CAPN3: variants seen among roughly 807,000 people sequenced by gnomAD.
CAPN3 encodes calpain 3.
CAPN3 carries 88 observed loss-of-function variants against 114.0 expected under a neutral mutation model. That is an observed-to-expected ratio of 0.77 (90% confidence interval 0.65 to 0.92). The LOEUF (loss-of-function observed/expected upper bound fraction) is 0.92. CAPN3 is among the 40% of genes least tolerant of loss of function. The probability of loss-of-function intolerance (pLI) is 0.00; values close to 1 mark genes in which losing one functional copy is unlikely to be tolerated. For synonymous variants in CAPN3, 386 were observed against 382.9 expected, an observed-to-expected ratio of 1.01 and a Z score of -0.09; for missense variants, 1,028 against 1,069.0, an observed-to-expected ratio of 0.96 and a Z score of 0.53.
At chr15:42,365,991 C>T (rs2052767363) in intron 1 of CAPN3, among the ~76,000 whole-genome samples, 1 of 152,134 alleles carries the variant, frequency 6.6e-6, no homozygotes, top group Admixed American at 6.5e-5. Flanking sequence ...CATCATGAAC[C>T]TTATTTTCCC....
At chr15:42,389,763 A>G (rs1595823477) in intron 5 of CAPN3, among the ~76,000 whole-genome samples, 190 bp from the exon 6 acceptor site, 1 of 152,166 alleles carries the variant, frequency 6.6e-6, no homozygotes, top group Non-Finnish European at 1.5e-5. Flanking sequence ...GTCAGTTAGC[A>G]CACAACACCA....
At chr15:42,367,303 C>T (rs998060713) in intron 1 of CAPN3, among the ~76,000 whole-genome samples, 9 of 152,094 alleles carry the variant, frequency 5.9e-5, no homozygotes, top group African/African-American at 2.2e-4. Flanking sequence ...TGCTAGGAAC[C>T]GGCTGAACTG....
intron 1 of CAPN3, among the ~76,000 whole-genome samples, chr15:42,378,234 C>G (rs1347983393): frequency 6.6e-6 from 1 of 152,238 alleles, no homozygotes; most frequent in Non-Finnish European, 1.5e-5. Flanking sequence ...GGTAATTAAT[C>G]TGGTTGCCCC....
At chr15:42,362,310 A>G (rs2052666198) in intron 1 of CAPN3, among the ~76,000 whole-genome samples, 1 of 152,200 alleles carries the variant, frequency 6.6e-6, no homozygotes, top group Non-Finnish European at 1.5e-5. Flanking sequence ...AAACCTACAA[A>G]TACTGTTTTC....
At chr15:42,386,006 T>A in intron 2 of CAPN3, 161 bp from the exon 3 acceptor site, 1 of 752,312 alleles carries the variant, frequency 1.3e-6, no homozygotes, top group Non-Finnish European at 2.4e-6. Flanking sequence ...CCAATTCTCC[T>A]TCCCTGGGTT....
In CAPN3 at chr15:42,412,107, C is replaced by G. The variant is rs747198807; in HGVS notation, c.*334C>G. 6.5e-6 allele frequency: 10 copies of G among 1,535,642 alleles called. No homozygotes were observed. The highest frequency in any genetic ancestry group is 8.7e-6 in the Non-Finnish European group (10 of 1,146,830). On this transcript the variant is annotated 3_prime_UTR_variant, in exon 24 of 24. Coordinates refer to ENST00000397163, the MANE Select transcript of CAPN3 (RefSeq NM_000070.3). ...CTAGGCTGTCTGCAGAAGCACCTGC[C>G]GGTGGCACTCAGCACCTCCTTGTGC...
At chr15:42,380,224 A>T (rs2053199152) in intron 1 of CAPN3, among the ~76,000 whole-genome samples, 1 of 152,192 alleles carries the variant, frequency 6.6e-6, no homozygotes, top group Non-Finnish European at 1.5e-5. Flanking sequence ...TGATTATAAT[A>T]TAGTTAGATT....
Position 42,359,546 on chromosome 15 carries a change from C to A in CAPN3, c.-260C>A. On this transcript the variant is annotated 5_prime_UTR_variant, in exon 1 of 24. Coordinates refer to ENST00000397163, the MANE Select transcript of CAPN3 (RefSeq NM_000070.3). ...TGGCATGCATGCTGCTGGTAGGAGA[C>A]CCCCAAGTCAACATTGCTTCAGAAA... 7.4e-7 allele frequency: 1 copy of A among 1,346,638 alleles called. No homozygotes were observed. The highest frequency in any genetic ancestry group is 9.5e-7 in the Non-Finnish European group (1 of 1,047,158). The allele number at this position is 1,346,638 out of a possible 1,614,324, so 83.4% of individuals were successfully genotyped here.
chr15:42,408,791 A>G (rs1482077432), intron 16 of CAPN3: 5 of 320,378 alleles, frequency 1.6e-5, no homozygotes, highest in Non-Finnish European at 2.4e-5. Flanking sequence ...CTTAGAGGCA[A>G]AAGTCTCCAG....
At position 42,410,915 on chromosome 15, in the gene CAPN3, C is replaced by G; in HGVS notation, c.2295C>G (p.Ile765Met). 1 of 1,614,186 alleles carries G rather than the reference C, an allele frequency of 6.2e-7. No individual in the cohort carries two copies. The highest frequency in any genetic ancestry group is 8.5e-7 in the Non-Finnish European group (1 of 1,179,986). The change falls in exon 22 of 24, where the codon ATC becomes ATG. Residue 765 changes from isoleucine (I) to methionine (M), a missense_variant. Physicochemically the swap from Ile to Met is conservative, Grantham distance 10 (BLOSUM62 1). Transcript: ENST00000397163. ...ACCTCAACAACCAGCTCTATGACAT[C>G]ATTACCATGCGGTACGCAGACAAAC... ...GFHLNNQLYDIITMRYADKHM... is the reference protein window; with the variant it reads ...GFHLNNQLYDMITMRYADKHM...
Position 42,389,050 on chromosome 15 carries a change from T to A in CAPN3, c.755T>A (p.Met252Lys). 6.2e-7 allele frequency: 1 copy of A among 1,614,106 alleles called. No individual in the cohort carries two copies. Among genetic ancestry groups the A allele is most frequent in the Non-Finnish European group, 8.5e-7 (1 of 1,180,016 alleles). ...RDAPSDMYKI[M>K]KKAIERGSLM... is the part of the protein sequence containing the mutation. ...GCTCCTAGTGACATGTACAAGATCA[T>A]GAAGAAAGCCATCGAGAGAGGCTCC... is the stretch of plus-strand genomic sequence containing the variant. Residue 252 changes from methionine to lysine, a missense_variant, in exon 5 of 24, where the codon ATG becomes AAG. Transcript: ENST00000397163.
chr15:42,366,464 G>C (rs548410538), intron 1 of CAPN3, among the ~76,000 whole-genome samples: 1 of 152,286 alleles, frequency 6.6e-6, no homozygotes, highest in East Asian at 1.9e-4. Flanking sequence ...CTTCAGGGTA[G>C]ATCTTCTTAC....
At chr15:42,411,187 T>C in intron 22 of CAPN3, 100 bp from the exon 23 acceptor site, 1 of 1,091,210 alleles carries the variant, frequency 9.2e-7, no homozygotes, top group Non-Finnish European at 1.4e-6. Flanking sequence ...TTTGTGCTGA[T>C]GAGGGACAGC....
chr15:42,389,169 C>A, intron 5 of CAPN3, 73 bp downstream of exon 5: 1 of 1,430,798 alleles, frequency 7.0e-7, no homozygotes, highest in Non-Finnish European at 9.8e-7. Context: ...TGAAGGGCAG[C>A]ATAGAGCTTT....
rs534326487 is a variant in CAPN3, at chr15:42,401,690, C to G, written c.1404C>G (p.Asp468Glu). The change falls in exon 11 of 24, where the codon GAC (aspartate) becomes GAG (glutamate). Residue 468 changes from aspartate (D) to glutamate (E), a missense_variant. Coordinates refer to ENST00000397163, the MANE Select transcript of CAPN3 (RefSeq NM_000070.3). Reference protein sequence around the residue: ...PQYRLKLLEEDDDPDDSEVIC... With the variant: ...PQYRLKLLEEEDDPDDSEVIC... ...ACCGTCTGAAGCTCCTGGAGGAGGA[C>G]GATGACCCTGATGACTCGGAGGTGA... 6.2e-7 allele frequency: 1 copy of G among 1,614,118 alleles called. No individual in the cohort carries two copies. Among genetic ancestry groups the G allele is most frequent in the Non-Finnish European group, 8.5e-7 (1 of 1,180,008 alleles).
chr15:42,402,701 G>C, intron 12 of CAPN3, 93 bp from the exon 13 acceptor site: 1 of 1,578,582 alleles, frequency 6.3e-7, no homozygotes. Flanking sequence ...TGGGTGACCA[G>C]GGAGTTGGGA....
chr15:42,408,465 T>C (rs919772325), intron 16 of CAPN3, 141 bp downstream of exon 16: 9 of 660,658 alleles, frequency 1.4e-5, no homozygotes, highest in Non-Finnish European at 2.5e-5. Context: ...TGACCTTTTC[T>C]TTCAGCAAGT....
intron 10 of CAPN3, among the ~76,000 whole-genome samples, chr15:42,401,413 C>T (rs1469247469): frequency 1.3e-5 from 2 of 150,996 alleles, no homozygotes; most frequent in African/African-American, 4.9e-5. Flanking sequence ...GAATGAAAGC[C>T]CAGAGAGGAA....
At chr15:42,399,282 T>C (rs2053796657) in intron 9 of CAPN3, among the ~76,000 whole-genome samples, 2 of 152,180 alleles carry the variant, frequency 1.3e-5, no homozygotes, top group Non-Finnish European at 2.9e-5. Context: ...TGGCACATTT[T>C]TGAATCATTG....
Sources: allele counts gnomAD v4.1 joint callset (sites outside exome capture counted in the v4.1 genomes callset), GRCh38; gene constraint gnomAD v4.1.1; transcripts MANE v1.5; gene names NCBI Gene and HGNC (gene_info 2026-07-23, HGNC 2026-07-21).